The following TYRO3 variants were observed in gnomAD, a reference collection of about 807,000 sequenced individuals.
TYRO3 encodes the protein tyrosine-protein kinase receptor TYRO3.
A neutral mutation model predicts 95.2 loss-of-function variants in TYRO3; 38 were observed. That is an observed-to-expected ratio of 0.40 (90% CI 0.31 to 0.52). The LOEUF (loss-of-function observed/expected upper bound fraction) is 0.52. TYRO3 is among the 20% of genes least tolerant of loss of function. The pLI is 0.56. For missense variants in TYRO3, 812 were observed against 1,116.4 expected, an observed-to-expected ratio of 0.73 and a Z score of 3.89; for synonymous variants, 367 against 432.9, an observed-to-expected ratio of 0.85 and a Z score of 1.89.
rs373801562 is a variant in TYRO3, at chr15:41,566,538, G to C, written c.784-822G>C. Among the ~76,000 whole-genome samples, 84 of 152,246 alleles carry C rather than the reference G, an allele frequency of 5.5e-4. 1 individual carries two copies. In the South Asian group the frequency reaches 0.012, roughly 21 times the overall value. On this transcript the variant is annotated intron_variant, in intron 6 of 18. Coordinates refer to ENST00000263798, the MANE Select transcript of TYRO3 (RefSeq NM_006293.4). ...TGGGGTCTGTGTGGGCCTTTTCCCT[G>C]TTCCATCTTCCCAAGGATGGACCGC...
chr15:41,571,000 A>C, intron 12 of TYRO3, 38 bp from the exon 13 acceptor site: 3 of 1,603,984 alleles, frequency 1.9e-6, no homozygotes, highest in Non-Finnish European at 2.6e-6. Context: ...GGGAGCAGAG[A>C]GCCAAGGAGA....
chr15:41,569,641 C>T, intron 9 of TYRO3, among the ~76,000 whole-genome samples: 1 of 152,100 alleles, frequency 6.6e-6, no homozygotes. Context: ...ATGTTGCACA[C>T]CTGTAGTCCC....
chr15:41,563,084 T>G, intron 4 of TYRO3, among the ~76,000 whole-genome samples: 1 of 148,902 alleles, frequency 6.7e-6, no homozygotes. Flanking sequence ...TAGGGAGGAG[T>G]ATCTGGCAGA....
chr15:41,581,370 G>GA lies in TYRO3; in HGVS notation c.*3099dup, dbSNP rs2055921494. 3 of 153,396 alleles carry GA rather than the reference G, an allele frequency of 2.0e-5. No individual in the cohort carries two copies. The highest frequency in any genetic ancestry group is 4.4e-5 in the Non-Finnish European group (3 of 68,038). The allele number at this position is 153,396 out of a possible 1,614,324, so 9.5% of individuals were successfully genotyped here. A position where few individuals can be genotyped will look rare whatever the true frequency, so the allele number is the denominator to read the frequency against. ...GGCTGCTTCTGAAAGCAAATATCCT[G>GA]AAAAACCTGTTGCTGGTACTCCAAA... is the stretch of plus-strand genomic sequence containing the variant. On this transcript the variant is annotated 3_prime_UTR_variant, in exon 19 of 19. Transcript: ENST00000263798.
intron 1 of TYRO3, among the ~76,000 whole-genome samples, chr15:41,559,873 C>T: frequency 6.6e-6 from 1 of 152,234 alleles, no homozygotes; most frequent in East Asian, 1.9e-4. Flanking sequence ...AGTTCCTGTG[C>T]CCTCAGAGCT....
In TYRO3 at chr15:41,583,587, A is replaced by G. The variant is rs77829619; in HGVS notation, c.*5311A>G. 2 of 152,204 alleles carry G rather than the reference A, an allele frequency of 1.3e-5. No individual in the cohort carries two copies. The highest frequency in any genetic ancestry group is 4.8e-5 in the African/African-American group (2 of 41,522). The allele number at this position is 152,204 out of a possible 1,614,324, so 9.4% of individuals were successfully genotyped here. A position where few individuals can be genotyped will look rare whatever the true frequency, so the allele number is the denominator to read the frequency against. On this transcript the variant is annotated 3_prime_UTR_variant, in exon 19 of 19. Coordinates refer to ENST00000263798, the MANE Select transcript of TYRO3 (RefSeq NM_006293.4). ...TACTATAAATGTATAATGTTTTCCT[A>G]TATGTTCGTGGTACATTTTTTTTGC... is the stretch of plus-strand genomic sequence containing the variant.
rs367744324 is a variant in TYRO3 at position 41,564,910 on chromosome 15, G to T, written c.668-116G>T. 2.1e-4 allele frequency: 143 copies of T among 687,362 alleles called. No homozygotes were observed. The African/African-American group carries it at 2.3e-3, about 11-fold the overall frequency. The allele number at this position is 687,362 out of a possible 1,614,324, so 42.6% of individuals were successfully genotyped here. ...GTGATCCTGGGAGTGCTGAGTAGCC[G>T]TCTTTAGGTTGGGGATGCCCTGGAC... is the stretch of plus-strand genomic sequence containing the variant. On this transcript the variant is annotated intron_variant, in intron 5 of 18. Coordinates refer to ENST00000263798, the MANE Select transcript of TYRO3 (RefSeq NM_006293.4).
intron 1 of TYRO3, among the ~76,000 whole-genome samples, chr15:41,560,393 A>ATGTGTGTGCG (rs2055631935): frequency 8.3e-6 from 1 of 120,448 alleles, no homozygotes; most frequent in Admixed American, 8.3e-5. Context: ...AGGTGCGTGT[A>ATGTGTGTGCG]TGTGTGTGTG....
chr15:41,560,242 T>C (rs2055629231), intron 1 of TYRO3, among the ~76,000 whole-genome samples: 1 of 151,980 alleles, frequency 6.6e-6, no homozygotes, highest in African/African-American at 2.4e-5. Context: ...AGCCGAAAGG[T>C]GCGGACCTGA....
At chr15:41,559,491 A>C in intron 1 of TYRO3, 110 bp downstream of exon 1, 3 of 250,586 alleles carry the variant, frequency 1.2e-5, no homozygotes, top group Non-Finnish European at 2.3e-5. Context: ...GGGGGTCCGG[A>C]GCCGAAGGCC....
intron 18 of TYRO3, among the ~76,000 whole-genome samples, chr15:41,574,952 C>T (rs983616777): frequency 2.0e-5 from 3 of 152,226 alleles, no homozygotes; most frequent in African/African-American, 4.8e-5. Flanking sequence ...CTCCTGGGCT[C>T]AAGGGATCCA....
intron 8 of TYRO3, 83 bp from the exon 9 acceptor site, chr15:41,568,795 C>G (rs989219458): frequency 6.6e-7 from 1 of 1,514,890 alleles, no homozygotes; most frequent in African/African-American, 1.4e-5. Flanking sequence ...ATGTTCCCAG[C>G]TGGACCTTTT....
At chr15:41,561,841 T>G (rs2055662148) in intron 3 of TYRO3, 1 of 463,108 alleles carries the variant, frequency 2.2e-6, no homozygotes. Flanking sequence ...AGGGACCAAC[T>G]GGGATCCACA....
Position 41,570,140 on chromosome 15 carries a change from A to G in TYRO3, c.1366A>G (p.Lys456Glu), listed in dbSNP as rs1368098397. 1.2e-6 allele frequency: 2 copies of G among 1,614,080 alleles called. No individual in the cohort carries two copies. The highest frequency in any genetic ancestry group is 1.7e-6 in the Non-Finnish European group (2 of 1,180,042). ...CCTCATCCTGCTTCGAAAGAGACGG[A>G]AAGAGACGCGGTTTGGGTAAGGGGA... ...LALILLRKRR[K>E]ETRFGQAFDS... Residue 456 changes from lysine (K) to glutamate (E), a missense_variant, in exon 10 of 19, where the codon AAA becomes GAA. By Grantham distance (56) the Lys-to-Glu change is moderately conservative. Coordinates refer to ENST00000263798, the MANE Select transcript of TYRO3 (RefSeq NM_006293.4).
chr15:41,566,180 G>A (rs945488286), intron 6 of TYRO3, among the ~76,000 whole-genome samples: 2 of 152,012 alleles, frequency 1.3e-5, no homozygotes, highest in African/African-American at 4.8e-5. Flanking sequence ...AGGCACAGTG[G>A]CATGCGCCTG....
rs1214164917 is a variant in TYRO3, at chr15:41,564,620, CG to C, written c.667+352del. ...GGGGGTGGGGAAAACAGCCTAGTAC[CG>C]GATGGAGGAGACCAGAGGGCTGGTG... On this transcript the variant is annotated intron_variant, in intron 5 of 18. Transcript: ENST00000263798. 3.3e-5 allele frequency among the ~76,000 whole-genome samples: 5 copies of C among 152,130 alleles called. No individual in the cohort carries two copies. The East Asian group carries it at 9.7e-4, about 29-fold the overall frequency.
At position 41,580,856 on chromosome 15, in the gene TYRO3, T is replaced by A. The variant is rs2055915447; in HGVS notation, c.*2580T>A. 1 of 152,152 alleles carries A rather than the reference T, an allele frequency of 6.6e-6. No individual in the cohort carries two copies. The highest frequency in any genetic ancestry group is 2.1e-4 in the South Asian group (1 of 4,828). 9.4% of individuals were successfully genotyped at this position (152,152 alleles called of 1,614,324 possible). On this transcript the variant is annotated 3_prime_UTR_variant, in exon 19 of 19. Transcript: ENST00000263798. Reference sequence around the variant, plus strand: ...CATGTTGGCCAGGCTGGTCTCGAACTCCTGATTTCAAGTGATCTGCCTGCC... The same window carrying A: ...CATGTTGGCCAGGCTGGTCTCGAACACCTGATTTCAAGTGATCTGCCTGCC...
rs1202631317 is a variant in TYRO3, at chr15:41,568,362, G to A, written c.1107G>A (p.Gln369=). The change falls in exon 8 of 19, where the codon CAG becomes CAA. Residue 369 remains glutamine (Q), a splice_region_variant and synonymous_variant. Transcript: ENST00000263798. ...CCTGGGTTCAAGACAATGGAACCCA[G>A]GTAAGACAGAACCCTCCCCTCTCTC... The part of the protein sequence containing the change: ...KLSWVQDNGT[Q]DELTVEGTRA... 26 of 1,613,372 alleles carry A rather than the reference G, an allele frequency of 1.6e-5. No homozygotes were observed. The highest frequency in any genetic ancestry group is 2.7e-5 in the African/African-American group (2 of 74,866).
In TYRO3 at chr15:41,567,406, C is replaced by T. The variant is rs139608785; in HGVS notation, c.830C>T (p.Pro277Leu). Residue 277 changes from proline (P) to leucine (L), a missense_variant, in exon 7 of 19, where the codon CCT becomes CTT. Physicochemically the swap from Pro to Leu is moderately conservative, Grantham distance 98. Coordinates refer to ENST00000263798, the MANE Select transcript of TYRO3 (RefSeq NM_006293.4). ...GGWEVLAVVVPVPPFTCLLRD... is the reference protein window; with the variant it reads ...GGWEVLAVVVLVPPFTCLLRD... ...TGGGAAGTCCTGGCTGTTGTGGTCC[C>T]TGTGCCCCCCTTTACCTGCCTGCTC... 573 of 1,606,042 alleles carry T rather than the reference C, an allele frequency of 3.6e-4. No individual in the cohort carries two copies. The highest frequency in any genetic ancestry group is 9.6e-4 in the Admixed American group (57 of 59,094).
Sources: allele counts gnomAD v4.1 joint callset (sites outside exome capture counted in the v4.1 genomes callset), GRCh38; gene constraint gnomAD v4.1.1; transcripts MANE v1.5; gene names NCBI Gene and HGNC (gene_info 2026-07-23, HGNC 2026-07-21).